The following DLG1 variants were observed in gnomAD, a reference collection of about 807,000 sequenced individuals.
The protein encoded by DLG1 is disks large homolog 1.
Under a neutral mutation model 123.4 loss-of-function variants are expected in DLG1, and 42 were observed. That is an observed-to-expected ratio of 0.34 (90% CI 0.27 to 0.44). The LOEUF is 0.44. Ranked by LOEUF, DLG1 falls within the 20% of genes least tolerant of loss-of-function variation. The probability of loss-of-function intolerance (pLI) is 1.00; values close to 1 mark genes in which losing one functional copy is unlikely to be tolerated. For synonymous variants in DLG1, 317 were observed against 356.2 expected, an observed-to-expected ratio of 0.89 and a Z score of 1.24; for missense variants, 942 against 1,082.6, an observed-to-expected ratio of 0.87 and a Z score of 1.82.
chr3:197,195,087 A>T (rs1440995160), intron 4 of DLG1, among the ~76,000 whole-genome samples: 2 of 151,882 alleles, frequency 1.3e-5, no homozygotes, highest in Admixed American at 1.3e-4. Context: ...ATCTATTTCT[A>T]AAAAATTACC....
intron 4 of DLG1, among the ~76,000 whole-genome samples, chr3:197,214,238 A>G (rs1732813959): frequency 6.6e-6 from 1 of 152,162 alleles, no homozygotes; most frequent in South Asian, 2.1e-4. Context: ...GAACTGACCC[A>G]AACACTTAAA....
chr3:197,076,289 TATGA>T (rs1747232603), intron 18 of DLG1, among the ~76,000 whole-genome samples: 1 of 152,244 alleles, frequency 6.6e-6, no homozygotes, highest in Non-Finnish European at 1.5e-5. Flanking sequence ...TCTTTGAATG[TATGA>T]ATGTGTTTTT....
chr3:197,158,138 CATT>C (rs1229989426), intron 5 of DLG1, among the ~76,000 whole-genome samples: 1 of 152,158 alleles, frequency 6.6e-6, no homozygotes, highest in Admixed American at 6.5e-5. Context: ...CTCATACAGA[CATT>C]TTCCCAAAGA....
chr3:197,159,913 A>G (rs1385059533), intron 5 of DLG1, among the ~76,000 whole-genome samples: 1 of 152,222 alleles, frequency 6.6e-6, no homozygotes, highest in Non-Finnish European at 1.5e-5. Flanking sequence ...TGTCTCAGAG[A>G]AATATGAGAT....
chr3:197,294,180 C>T (rs1029462742), intron 3 of DLG1, among the ~76,000 whole-genome samples: 1 of 152,018 alleles, frequency 6.6e-6, no homozygotes, highest in Non-Finnish European at 1.5e-5. Flanking sequence ...CACACAGAAC[C>T]TCTATTAAAC....
rs200793489 is a variant in DLG1, at chr3:197,068,571, T to C, written c.2047+648A>G. ...TTAGACAGCAGTAAAAAAAGAAAGTTAGAAAAGTAATTTTAATTTTTAAGG... is the reference window on the plus strand; with the variant it reads ...TTAGACAGCAGTAAAAAAAGAAAGTCAGAAAAGTAATTTTAATTTTTAAGG... On this transcript the variant is annotated intron_variant, in intron 19 of 24. Transcript: ENST00000667157. The C allele has an allele frequency of 1.6e-3, 2,353 of 1,449,894 alleles. 4 individuals are homozygous for C. The highest frequency in any genetic ancestry group is 2.0e-3 in the Non-Finnish European group (2,140 of 1,059,948). The allele number at this position is 1,449,894 out of a possible 1,614,324, so 89.8% of individuals were successfully genotyped here.
At position 197,045,497 on chromosome 3, in the gene DLG1, T is replaced by C. The variant is rs144117895; in HGVS notation, c.2576-768A>G. 6.8e-3 allele frequency among the ~76,000 whole-genome samples: 1,035 copies of C among 152,082 alleles called. 13 individuals are homozygous for C. The highest frequency in any genetic ancestry group is 5.4e-3 in the Non-Finnish European group (369 of 67,960). On this transcript the variant is annotated intron_variant, in intron 24 of 24. Transcript: ENST00000667157. ...GGCTCATGCCTGCAATCCTAGCACT[T>C]TGGGAGGCTGAAGTGGGAGGGTTGC...
chr3:197,073,228 T>C (rs1277981357), intron 18 of DLG1, among the ~76,000 whole-genome samples: 1 of 152,194 alleles, frequency 6.6e-6, no homozygotes, highest in African/African-American at 2.4e-5. Flanking sequence ...CGTACGTCTT[T>C]AAAGTGAGAA....
chr3:197,291,928 T>C (rs751501645), intron 3 of DLG1, among the ~76,000 whole-genome samples: 12 of 152,162 alleles, frequency 7.9e-5, no homozygotes, highest in Non-Finnish European at 4.4e-5. Context: ...TACTCACACT[T>C]ATTAGGATGG....
chr3:197,083,097 T>C (rs773693523), intron 16 of DLG1, among the ~76,000 whole-genome samples: 11 of 152,212 alleles, frequency 7.2e-5, no homozygotes, highest in Non-Finnish European at 1.5e-4. Flanking sequence ...GATTGCTGCA[T>C]TGCTAAAAGA....
intron 16 of DLG1, among the ~76,000 whole-genome samples, chr3:197,084,857 G>C (rs1465410800): frequency 1.3e-5 from 2 of 151,556 alleles, no homozygotes; most frequent in Non-Finnish European, 2.9e-5. Flanking sequence ...TGCAAACTCA[G>C]GTCACTGCAA....
chr3:197,191,829 T>G (rs1483748821), intron 5 of DLG1, among the ~76,000 whole-genome samples: 2 of 152,180 alleles, frequency 1.3e-5, no homozygotes, highest in Non-Finnish European at 2.9e-5. Flanking sequence ...GAGAAACAAT[T>G]TTTAACTTCC....
intron 18 of DLG1, among the ~76,000 whole-genome samples, chr3:197,072,884 A>C (rs1256903379): frequency 1.3e-5 from 2 of 152,086 alleles, no homozygotes; most frequent in African/African-American, 4.8e-5. Context: ...TTTAGTAGAG[A>C]CGGGGTTTTG....
intron 11 of DLG1, 39 bp downstream of exon 11, chr3:197,130,488 G>GT: frequency 6.6e-7 from 1 of 1,511,748 alleles, no homozygotes; most frequent in Non-Finnish European, 8.9e-7. Flanking sequence ...AACTGAAGAA[G>GT]TAAGATAAAT....
chr3:197,075,854 A>C, intron 18 of DLG1: 2 of 1,612,608 alleles, frequency 1.2e-6, no homozygotes, highest in Non-Finnish European at 1.7e-6. Flanking sequence ...TTTTGATCCC[A>C]TGTCGTCAGG....
chr3:197,129,951 T>C (rs1014095545), intron 11 of DLG1, among the ~76,000 whole-genome samples: 1 of 152,096 alleles, frequency 6.6e-6, no homozygotes, highest in Non-Finnish European at 1.5e-5. Context: ...ACAGATATAA[T>C]AATAATGAAA....
At chr3:197,285,295 A>G (rs914118605) in intron 3 of DLG1, among the ~76,000 whole-genome samples, 27 of 152,088 alleles carry the variant, frequency 1.8e-4, no homozygotes, top group Non-Finnish European at 3.4e-4. Flanking sequence ...TTAAACAGAG[A>G]AACCCACAAG....
At chr3:197,163,687 A>ATTTTTTTTTTTTTTTT (rs56865627) in intron 5 of DLG1, among the ~76,000 whole-genome samples, 3 of 102,034 alleles carry the variant, frequency 2.9e-5, no homozygotes, top group Admixed American at 1.2e-4. Flanking sequence ...ATGCTCAGCT[A>ATTTTTTTTTTTTTTTT]TTTTTTTTTT....
In DLG1 at chr3:197,105,023, T is replaced by C. The variant is rs1321930470; in HGVS notation, c.1444-18A>G. The C allele has an allele frequency of 2.7e-6, 4 of 1,501,344 alleles. No individual in the cohort carries two copies. In the African/African-American group the frequency reaches 5.6e-5, roughly 21 times the overall value. The allele number at this position is 1,501,344 out of a possible 1,614,324, so 93.0% of individuals were successfully genotyped here. A position where few individuals can be genotyped will look rare whatever the true frequency, so the allele number is the denominator to read the frequency against. On this transcript the variant is annotated intron_variant, in intron 13 of 24. Coordinates refer to ENST00000667157, the MANE Select transcript of DLG1 (RefSeq NM_001366207.1). ...CTGTTTACCTGTAAATCAAACCAAA[T>C]CTTAATTTGGGAGAAAAGAATCACT...
Sources: allele counts gnomAD v4.1 joint callset (sites outside exome capture counted in the v4.1 genomes callset), GRCh38; gene constraint gnomAD v4.1.1; transcripts MANE v1.5; gene names NCBI Gene and HGNC (gene_info 2026-07-23, HGNC 2026-07-21).